Variants in SEC14L2 observed in about 807,000 individuals in gnomAD.
SEC14L2 encodes the protein SEC14 like lipid binding 2.
Under a neutral mutation model 56.9 loss-of-function variants are expected in SEC14L2, and 50 were observed. That is an observed-to-expected ratio of 0.88 (90% confidence interval 0.70 to 1.11). The LOEUF (loss-of-function observed/expected upper bound fraction) is 1.11, where lower values mean the gene tolerates loss of function less well. SEC14L2 is among the 50% of genes most tolerant of loss of function. The pLI, the probability that SEC14L2 is intolerant of heterozygous loss-of-function variation, is 0.00. For missense variants in SEC14L2, 414 were observed against 500.7 expected (o/e 0.83, Z 1.65); for synonymous variants, 179 against 188.5 (o/e 0.95, Z 0.41).
At chr22:30,410,000 C>T (rs1370393110) in intron 7 of SEC14L2, among the ~76,000 whole-genome samples, 1 of 152,206 alleles carries the variant, frequency 6.6e-6, no homozygotes, top group Admixed American at 6.5e-5. Flanking sequence ...GAGTTCAAGA[C>T]CAGCCTGGCC....
At chr22:30,411,630 C>A (rs1569209350) in intron 8 of SEC14L2, among the ~76,000 whole-genome samples, 2 of 148,022 alleles carry the variant, frequency 1.4e-5, no homozygotes, top group South Asian at 4.3e-4. Context: ...CCTGTAATCC[C>A]AGCTACTTGG....
In SEC14L2 at chr22:30,407,688, C is replaced by G. The variant is rs1388341602; in HGVS notation, c.423+85C>G. 1.9e-5 allele frequency: 24 copies of G among 1,280,020 alleles called. No individual in the cohort carries two copies. The East Asian group carries it at 4.9e-4, about 26-fold the overall frequency. 79.3% of individuals were successfully genotyped at this position (1,280,020 alleles called of 1,614,324 possible). A position where few individuals can be genotyped will look rare whatever the true frequency, so the allele number is the denominator to read the frequency against. On this transcript the variant is annotated intron_variant, in intron 5 of 11. Transcript: ENST00000615189. ...CAGGGATGTCACACAGGAATATAAG[C>G]ACAGCTTCAGGGCCAAGGCCCAGCC...
chr22:30,407,691 A>G, intron 5 of SEC14L2, 88 bp downstream of exon 5: 2 of 1,210,848 alleles, frequency 1.7e-6, no homozygotes, highest in Non-Finnish European at 2.3e-6. Flanking sequence ...ATATAAGCAC[A>G]GCTTCAGGGC....
chr22:30,421,322 GA>G (rs1934512634), intron 11 of SEC14L2: 1 of 152,216 alleles, frequency 6.6e-6, no homozygotes, highest in Admixed American at 6.5e-5. Context: ...GAGAATCTGG[GA>G]GTCTAAGCAG....
At chr22:30,410,029 C>T (rs1162429840) in intron 7 of SEC14L2, among the ~76,000 whole-genome samples, 1 of 152,182 alleles carries the variant, frequency 6.6e-6, no homozygotes, top group African/African-American at 2.4e-5. Context: ...AAAACCCCAT[C>T]TCTACTAAAA....
At position 30,424,709 on chromosome 22, in the gene SEC14L2, C is replaced by T. The variant is rs1934621611; in HGVS notation, c.*2302C>T. The T allele has an allele frequency of 2.2e-6, 1 of 456,554 alleles. No individual in the cohort carries two copies. The highest frequency in any genetic ancestry group is 2.3e-5 in the Admixed American group (1 of 42,562). 28.3% of individuals were successfully genotyped at this position (456,554 alleles called of 1,614,324 possible). ...CTCAGGGAGGCTAACAGCCAGTAGG[C>T]GGCACAGCTAGGATTTGAACCCAGG... On this transcript the variant is annotated 3_prime_UTR_variant, in exon 12 of 12. Transcript: ENST00000615189.
chr22:30,409,110 A>G, intron 5 of SEC14L2, 77 bp from the exon 6 acceptor site: 1 of 1,252,396 alleles, frequency 8.0e-7, no homozygotes. Flanking sequence ...TGCACAGTGC[A>G]ATCATTTGGC....
intron 8 of SEC14L2, among the ~76,000 whole-genome samples, chr22:30,415,225 A>C (rs1934356144): frequency 6.6e-6 from 1 of 152,168 alleles, no homozygotes; most frequent in South Asian, 2.1e-4. Flanking sequence ...TGAGGTCAGG[A>C]GTTCGAGACC....
intron 11 of SEC14L2, among the ~76,000 whole-genome samples, chr22:30,417,648 T>C (rs1227713479): frequency 6.6e-6 from 1 of 152,190 alleles, no homozygotes; most frequent in Non-Finnish European, 1.5e-5. Flanking sequence ...GAGCAAGCAC[T>C]CAATGCACTG....
At chr22:30,410,553 T>C (rs1232947047) in intron 7 of SEC14L2, 43 bp from the exon 8 acceptor site, 1 of 1,571,298 alleles carries the variant, frequency 6.4e-7, no homozygotes, top group Non-Finnish European at 8.8e-7. Context: ...AGGGACAGAC[T>C]GGGCACTGCT....
chr22:30,424,534 T>TCGATA lies in SEC14L2; in HGVS notation c.*2128_*2129insGATAC. ...AATTCTTAATAAGGCCTACCGGGTATCACGCAAAAACCCTGTGCTTACTAT... is the reference window on the plus strand; with the variant it reads ...AATTCTTAATAAGGCCTACCGGGTATCGATACACGCAAAAACCCTGTGCTTACTAT... On this transcript the variant is annotated 3_prime_UTR_variant, in exon 12 of 12. Coordinates refer to ENST00000615189, the MANE Select transcript of SEC14L2 (RefSeq NM_012429.5). 1 of 351,830 alleles carries TCGATA rather than the reference T, an allele frequency of 2.8e-6. No individual in the cohort carries two copies. Among genetic ancestry groups the TCGATA allele is most frequent in the East Asian group, 7.5e-5 (1 of 13,310 alleles). The allele number at this position is 351,830 out of a possible 1,614,324, so 21.8% of individuals were successfully genotyped here.
intron 2 of SEC14L2, among the ~76,000 whole-genome samples, chr22:30,402,903 AC>A: frequency 6.6e-6 from 1 of 150,536 alleles, no homozygotes; most frequent in East Asian, 2.0e-4. Context: ...ATATAGCAAG[AC>A]CCTGCCTCTA....
intron 11 of SEC14L2, chr22:30,421,116 G>A (rs1457544495): frequency 6.6e-6 from 1 of 152,084 alleles, no homozygotes; most frequent in Non-Finnish European, 1.5e-5. Context: ...GCGCGAGGAT[G>A]ACAATCAGGT....
At chr22:30,416,203 AT>A in intron 10 of SEC14L2, 30 bp from the exon 11 acceptor site, 12 of 1,611,130 alleles carry the variant, frequency 7.4e-6, no homozygotes, top group Non-Finnish European at 1.0e-5. Flanking sequence ...CACAGACAGA[AT>A]TATGTCTCAA....
intron 11 of SEC14L2, chr22:30,420,633 G>C (rs1278057137): frequency 6.6e-6 from 1 of 152,232 alleles, no homozygotes; most frequent in East Asian, 1.9e-4. Flanking sequence ...GGGAAAAATA[G>C]ATGACTAACA....
intron 1 of SEC14L2, 91 bp from the exon 2 acceptor site, chr22:30,399,552 G>T: frequency 1.5e-6 from 1 of 679,780 alleles, no homozygotes; most frequent in Non-Finnish European, 2.4e-6. Flanking sequence ...CAAAGAAAGA[G>T]GCGTCCAGCA....
intron 2 of SEC14L2, among the ~76,000 whole-genome samples, chr22:30,402,295 G>A (rs1049817908): frequency 2.6e-5 from 4 of 152,102 alleles, no homozygotes; most frequent in Non-Finnish European, 5.9e-5. Flanking sequence ...GCAGACTAGG[G>A]AGCTGCTGTT....
At chr22:30,407,675 A>C in intron 5 of SEC14L2, 72 bp downstream of exon 5, 1 of 1,429,134 alleles carries the variant, frequency 7.0e-7, no homozygotes, top group Non-Finnish European at 9.6e-7. Context: ...GGGATGTCAC[A>C]CAGGAATATA....
In SEC14L2 at chr22:30,416,093, G is replaced by A; in HGVS notation, c.911+6G>A. The A allele has an allele frequency of 6.2e-7, 1 of 1,614,154 alleles. No homozygotes were observed. ...TTCCCTGGCTGTGTCCTCAGGTAGG[G>A]GCCTGGGCCCTTCCAGGAGACCCGA... is the stretch of plus-strand genomic sequence containing the variant. On this transcript the variant is annotated splice_donor_region_variant and intron_variant, in intron 10 of 11. Coordinates refer to ENST00000615189, the MANE Select transcript of SEC14L2 (RefSeq NM_012429.5).
Sources: gnomAD v4.1 joint callset for allele counts (sites outside exome capture counted in the v4.1 genomes callset) on GRCh38, gnomAD v4.1.1 for gene constraint, MANE v1.5 for transcripts, NCBI Gene and HGNC (gene_info 2026-07-23, HGNC 2026-07-21) for gene names.